The following HERC3 variants were observed in gnomAD, a reference collection of about 807,000 sequenced individuals.
HERC3 encodes probable E3 ubiquitin-protein ligase HERC3.
Under a neutral mutation model 129.9 loss-of-function variants are expected in HERC3, and 58 were observed. That is an observed-to-expected ratio of 0.45 (90% confidence interval 0.36 to 0.56). The LOEUF is 0.56. Among genes scored for constraint, HERC3 ranks in the 20% least tolerant of loss-of-function variants. The pLI is 0.00. For missense variants in HERC3, 835 were observed against 1,244.2 expected, an observed-to-expected ratio of 0.67 and a Z score of 4.95; for synonymous variants, 430 against 451.0, an observed-to-expected ratio of 0.95 and a Z score of 0.59.
chr4:88,548,485 C>T, the HERC3 span, among the ~76,000 whole-genome samples: 1 of 151,890 alleles, frequency 6.6e-6, no homozygotes, highest in East Asian at 1.9e-4. Context: ...GTTTATTGGC[C>T]ATTTGTTTAT....
At chr4:88,541,320 C>A in the HERC3 span, among the ~76,000 whole-genome samples, 1 of 151,910 alleles carries the variant, frequency 6.6e-6, no homozygotes, top group East Asian at 1.9e-4. Flanking sequence ...GACTTTAAAC[C>A]AACAAAGATC....
intron 25 of HERC3, 62 bp downstream of exon 25, chr4:88,704,672 A>T: frequency 1.0e-6 from 1 of 990,052 alleles, no homozygotes. Flanking sequence ...ACAGTATAGG[A>T]TGACATGCTC....
At chr4:88,535,177 C>T in the HERC3 span, among the ~76,000 whole-genome samples, 1 of 152,130 alleles carries the variant, frequency 6.6e-6, no homozygotes. Context: ...TGAAAGTCTG[C>T]TTTTCCTAGT....
chr4:88,530,512 A>T, the HERC3 span, among the ~76,000 whole-genome samples: 1 of 152,200 alleles, frequency 6.6e-6, no homozygotes, highest in Non-Finnish European at 1.5e-5. Flanking sequence ...TATAGGTCTT[A>T]TAGCCGTAAG....
chr4:88,527,200 C>CT, the HERC3 span: 1 of 151,900 alleles, frequency 6.6e-6, no homozygotes, highest in Non-Finnish European at 1.5e-5. Flanking sequence ...TATGTCCTGT[C>CT]TTTCTTTCTT....
Position 88,680,104 on chromosome 4 carries a change from T to C in HERC3, c.2208T>C (p.Asp736=). 2 of 1,610,286 alleles carry C rather than the reference T, an allele frequency of 1.2e-6. No homozygotes were observed. The highest frequency in any genetic ancestry group is 1.7e-6 in the Non-Finnish European group (2 of 1,178,842). The change falls in exon 20 of 26, where the codon GAT becomes GAC. Residue 736 remains aspartate (D), a synonymous_variant. Coordinates refer to ENST00000402738, the MANE Select transcript of HERC3 (RefSeq NM_014606.3). ...TCTATTATTTTAAGGTAATCTTTGA[T>C]GGTGAAGAAGCAGTGGATGCCGGTG... ...DLKKPLKVIF[D]GEEAVDAGGV... is the part of the protein sequence containing the mutation.
chr4:88,612,289 C>CTGTGTGTGTGTGTGTGTGTG lies in HERC3; in HGVS notation c.226+6259_226+6278dup, dbSNP rs3220740. Among the ~76,000 whole-genome samples, 6 of 141,704 alleles carry CTGTGTGTGTGTGTGTGTGTG rather than the reference C, an allele frequency of 4.2e-5. 1 individual carries two copies. In the South Asian group the frequency reaches 1.2e-3, roughly 29 times the overall value. The allele number at this position is 141,704 out of a possible 152,430, so 93.0% of individuals were successfully genotyped here. ...ATTAGCAATACCCTTATGTGACCAA[C>CTGTGTGTGTGTGTGTGTGTG]TGTGTGTGTGTGTGTGTGTGTGTGT... is the stretch of plus-strand genomic sequence containing the variant. On this transcript the variant is annotated intron_variant, in intron 3 of 25. Transcript: ENST00000402738.
At chr4:88,668,953 G>A (rs1464470354) in intron 14 of HERC3, among the ~76,000 whole-genome samples, 1 of 152,118 alleles carries the variant, frequency 6.6e-6, no homozygotes, top group Non-Finnish European at 1.5e-5. Context: ...TTTCTCAGGT[G>A]TTCTAGTTGA....
chr4:88,682,070 G>A (rs986455076), intron 21 of HERC3, among the ~76,000 whole-genome samples: 10 of 152,148 alleles, frequency 6.6e-5, no homozygotes, highest in Non-Finnish European at 7.4e-5. Context: ...TTGTTATATG[G>A]ATATGCCACA....
chr4:88,622,484 C>T (rs1195885506), intron 3 of HERC3, among the ~76,000 whole-genome samples: 1 of 152,156 alleles, frequency 6.6e-6, no homozygotes, highest in Non-Finnish European at 1.5e-5. Flanking sequence ...GTTTTCATTT[C>T]TCCTAGGTAT....
intron 3 of HERC3, among the ~76,000 whole-genome samples, chr4:88,639,920 G>A (rs1262385733): frequency 1.3e-5 from 2 of 151,970 alleles, no homozygotes; most frequent in African/African-American, 4.8e-5. Context: ...GTGGGCAAAG[G>A]ATATGAACAG....
chr4:88,669,052 A>G (rs1263820917), intron 14 of HERC3, among the ~76,000 whole-genome samples: 1 of 152,166 alleles, frequency 6.6e-6, no homozygotes, highest in Non-Finnish European at 1.5e-5. Flanking sequence ...CCAGGCTGGA[A>G]AATACAAAGA....
chr4:88,526,892 TTTA>T, the HERC3 span, among the ~76,000 whole-genome samples: 2 of 152,180 alleles, frequency 1.3e-5, no homozygotes, highest in Non-Finnish European at 2.9e-5. Context: ...TAATGATGAG[TTTA>T]TTAAAATCAA....
chr4:88,678,943 C>T (rs1296073979), intron 19 of HERC3, among the ~76,000 whole-genome samples: 2 of 152,124 alleles, frequency 1.3e-5, no homozygotes, highest in African/African-American at 2.4e-5. Flanking sequence ...ATAGGTAATT[C>T]AGGTGAGGCA....
chr4:88,536,764 A>ATT, the HERC3 span, among the ~76,000 whole-genome samples: 5 of 151,912 alleles, frequency 3.3e-5, no homozygotes, highest in East Asian at 1.9e-4. Context: ...AGCACAATGA[A>ATT]TTTTTTTTCA....
chr4:88,703,998 A>G (rs1735550255), intron 23 of HERC3, 100 bp from the exon 24 acceptor site: 1 of 1,102,472 alleles, frequency 9.1e-7, no homozygotes, highest in Non-Finnish European at 1.3e-6. Flanking sequence ...GAATTTGATG[A>G]AATTCTATTT....
chr4:88,609,731 G>A (rs1013049085), intron 3 of HERC3, among the ~76,000 whole-genome samples: 1 of 152,138 alleles, frequency 6.6e-6, no homozygotes, highest in Non-Finnish European at 1.5e-5. Flanking sequence ...AAGGGGTCCC[G>A]ATCCAGACCC....
rs1453023880 is a variant in HERC3 at position 88,654,088 on chromosome 4, T to C, written c.732T>C (p.Val244=). Residue 244 remains valine (V), a synonymous_variant, in exon 7 of 26, where the codon GTT becomes GTC. Coordinates refer to ENST00000402738, the MANE Select transcript of HERC3 (RefSeq NM_014606.3). The part of the protein sequence containing the change: ...CHVKLLRTQK[V]VYISCGEEHT... ...TAAAACTCTTACGCACGCAAAAAGT[T>C]GTCTATATTAGTTGTGGAGAAGAAC... 2.5e-6 allele frequency: 4 copies of C among 1,613,488 alleles called. No individual in the cohort carries two copies. Among genetic ancestry groups the C allele is most frequent in the Non-Finnish European group, 3.4e-6 (4 of 1,179,740 alleles).
At chr4:88,622,473 T>G (rs1237462447) in intron 3 of HERC3, among the ~76,000 whole-genome samples, 2 of 128,584 alleles carry the variant, frequency 1.6e-5, no homozygotes, top group African/African-American at 6.5e-5. Context: ...TGTGGACACA[T>G]GTTTTCATTT....
Sources: allele counts gnomAD v4.1 joint callset (sites outside exome capture counted in the v4.1 genomes callset), GRCh38; gene constraint gnomAD v4.1.1; transcripts MANE v1.5; gene names NCBI Gene and HGNC (gene_info 2026-07-23, HGNC 2026-07-21).